Variants in PCDHA4 observed in about 807,000 individuals in gnomAD.
PCDHA4 encodes the protein protocadherin alpha 4, also known as protocadherin alpha-4.
Under a neutral mutation model 61.4 loss-of-function variants are expected in PCDHA4, and 49 were observed. The observed-to-expected ratio is 0.80, with a 90% CI of 0.63 to 1.01. PCDHA4 has a LOEUF of 1.01. Ranked by LOEUF, PCDHA4 falls within the 50% of genes least tolerant of loss-of-function variation. The pLI, the probability that PCDHA4 is intolerant of heterozygous loss-of-function variation, is 0.00. For synonymous variants in PCDHA4, 590 were observed against 550.3 expected (o/e 1.07, Z -1.01); for missense variants, 1,254 against 1,235.8 (o/e 1.01, Z -0.22).
intron 1 of PCDHA4, among the ~76,000 whole-genome samples, chr5:140,832,806 T>C (rs1420120359): frequency 2.0e-5 from 3 of 152,174 alleles, no homozygotes; most frequent in Non-Finnish European, 2.9e-5. Context: ...GTTATTGGAA[T>C]TGGAAAAAAA....
chr5:140,942,619 TA>T (rs35075175), intron 1 of PCDHA4, among the ~76,000 whole-genome samples: 84,954 of 148,808 alleles, frequency 0.57, 24,471 homozygotes, highest in African/African-American at 0.7. Context: ...TTGCCAATTG[TA>T]AAAAAAAAAA....
At chr5:140,810,155 C>G (rs1764606228) in intron 1 of PCDHA4, 1 of 152,258 alleles carries the variant, frequency 6.6e-6, no homozygotes, top group African/African-American at 2.4e-5. Context: ...ATGAAATTAT[C>G]CATGTTGTTA....
intron 3 of PCDHA4, among the ~76,000 whole-genome samples, chr5:141,007,654 C>T (rs1461130528): frequency 6.6e-6 from 1 of 152,052 alleles, no homozygotes; most frequent in Non-Finnish European, 1.5e-5. Context: ...CCTAAAAAAC[C>T]ATAAATTTAC....
intron 1 of PCDHA4, among the ~76,000 whole-genome samples, chr5:140,904,941 G>A (rs782716792): frequency 7.2e-5 from 11 of 152,102 alleles, no homozygotes; most frequent in Admixed American, 3.9e-4. Context: ...CTGGATATTA[G>A]TCCTTTGTCT....
intron 1 of PCDHA4, chr5:140,860,808 G>GCTCA (rs2153220670): frequency 6.6e-6 from 1 of 152,328 alleles, no homozygotes. Context: ...CACGATCTCG[G>GCTCA]CTCACTGCAA....
At position 140,925,553 on chromosome 5, in the gene PCDHA4, A is replaced by G. The variant is rs183194732; in HGVS notation, c.2386-53396A>G. 8.0e-3 allele frequency among the ~76,000 whole-genome samples: 1,211 copies of G among 152,074 alleles called. 7 individuals carry two copies. The highest frequency in any genetic ancestry group is 0.019 in the African/African-American group (785 of 41,482). On this transcript the variant is annotated intron_variant, in intron 1 of 3. Transcript: ENST00000530339. The stretch of plus-strand genomic sequence containing the variant: ...AGGAGAAATACCTAATGTAAATGAC[A>G]AGTTAATGGGTGCAGCACACCAACA...
At chr5:140,811,525 G>A (rs1764893286) in intron 1 of PCDHA4, 1 of 151,974 alleles carries the variant, frequency 6.6e-6, no homozygotes, top group African/African-American at 2.4e-5. Flanking sequence ...TATATACCCA[G>A]TAATGGGTCA....
At chr5:140,820,840 C>T (rs1421373475) in intron 1 of PCDHA4, among the ~76,000 whole-genome samples, 2 of 151,766 alleles carry the variant, frequency 1.3e-5, no homozygotes, top group African/African-American at 4.8e-5. Flanking sequence ...GTAATAGCAA[C>T]TTGAAGAAAT....
At chr5:140,951,723 A>G (rs1364455679) in intron 1 of PCDHA4, among the ~76,000 whole-genome samples, 3 of 152,104 alleles carry the variant, frequency 2.0e-5, no homozygotes, top group Non-Finnish European at 4.4e-5. Flanking sequence ...GATCCAAACC[A>G]TGTCATTCTG....
At chr5:140,828,473 G>A in intron 1 of PCDHA4, 1 of 1,614,248 alleles carries the variant, frequency 6.2e-7, no homozygotes, top group Non-Finnish European at 8.5e-7. Context: ...GGACATTAAC[G>A]ACAACCCGCC....
intron 3 of PCDHA4, among the ~76,000 whole-genome samples, chr5:140,984,358 A>G (rs1443365008): frequency 1.3e-5 from 2 of 152,234 alleles, no homozygotes; most frequent in Admixed American, 1.3e-4. Flanking sequence ...TATTTCATAC[A>G]TCTGGCCAAG....
chr5:140,966,426 C>T, intron 1 of PCDHA4: 1 of 421,820 alleles, frequency 2.4e-6, no homozygotes. Flanking sequence ...ACTTGCTGAG[C>T]CCTCCTACCG....
chr5:140,972,552 T>G (rs1247039171), intron 1 of PCDHA4, among the ~76,000 whole-genome samples: 1 of 152,160 alleles, frequency 6.6e-6, no homozygotes, highest in Admixed American at 6.5e-5. Flanking sequence ...CAGTGAGGAT[T>G]CTGAAGTAAC....
chr5:140,860,034 A>G (rs1356064800), intron 1 of PCDHA4: 3 of 150,432 alleles, frequency 2.0e-5, no homozygotes, highest in Non-Finnish European at 3.0e-5. Context: ...CACACCTGTA[A>G]TCCCAGCATT....
At chr5:140,822,300 A>T in intron 1 of PCDHA4, 1 of 1,614,264 alleles carries the variant, frequency 6.2e-7, no homozygotes. Context: ...ATCCAAACGA[A>T]TATTTTGACT....
intron 1 of PCDHA4, chr5:140,968,169 G>A (rs781969621): frequency 6.8e-6 from 11 of 1,613,982 alleles, no homozygotes; most frequent in African/African-American, 1.3e-5. Context: ...AATCCACCAA[G>A]CTTCCTGGAG....
intron 1 of PCDHA4, chr5:140,828,857 G>C: frequency 6.2e-7 from 1 of 1,614,232 alleles, no homozygotes; most frequent in Admixed American, 1.7e-5. Flanking sequence ...CGAAAATGCA[G>C]ACAACGGAAC....
rs150226999 is a variant in PCDHA4, at chr5:140,970,370, C to T, written c.2386-8579C>T. 2.1e-3 allele frequency among the ~76,000 whole-genome samples: 315 copies of T among 152,234 alleles called. 1 individual carries two copies. The highest frequency in any genetic ancestry group is 7.2e-3 in the African/African-American group (299 of 41,540). On this transcript the variant is annotated intron_variant, in intron 1 of 3. Coordinates refer to ENST00000530339, the MANE Select transcript of PCDHA4 (RefSeq NM_018907.4). ...GGATCTAAAATTTGATTTGCTATAG[C>T]TTCAAAAGGCTGGCTTGGAAAGTGG...
rs115890668 is a variant in PCDHA4 at position 140,925,958 on chromosome 5, A to G, written c.2386-52991A>G. Among the ~76,000 whole-genome samples, 1,223 of 152,250 alleles carry G rather than the reference A, an allele frequency of 8.0e-3. 5 individuals carry two copies. The highest frequency in any genetic ancestry group is 0.019 in the African/African-American group (788 of 41,548). On this transcript the variant is annotated intron_variant, in intron 1 of 3. Coordinates refer to ENST00000530339, the MANE Select transcript of PCDHA4 (RefSeq NM_018907.4). ...GCCTCTTGGAGAAGGAGAAACTGCT[A>G]TCACGCAAAAAAAAAGCCTTGAGCT... is the stretch of plus-strand genomic sequence containing the variant.
Sources: gnomAD v4.1 joint callset for allele counts (sites outside exome capture counted in the v4.1 genomes callset) on GRCh38, gnomAD v4.1.1 for gene constraint, MANE v1.5 for transcripts, NCBI Gene and HGNC (gene_info 2026-07-23, HGNC 2026-07-21) for gene names.